ARID3C: variants seen among roughly 807,000 people sequenced by gnomAD.
ARID3C encodes AT-rich interactive domain-containing protein 3C.
ARID3C carries 42 observed loss-of-function variants against 37.9 expected under a neutral mutation model. The ratio of observed to expected loss-of-function variants is 1.11; its 90% CI spans 0.87 to 1.43. The LOEUF (loss-of-function observed/expected upper bound fraction) is 1.43, where lower values mean the gene tolerates loss of function less well. Among genes scored for constraint, ARID3C ranks in the 40% most tolerant of loss-of-function variants. The pLI, the probability that ARID3C is intolerant of heterozygous loss-of-function variation, is 0.00. For synonymous variants in ARID3C, 213 were observed against 228.0 expected, an observed-to-expected ratio of 0.93 and a Z score of 0.59; for missense variants, 581 against 548.8, an observed-to-expected ratio of 1.06 and a Z score of -0.59.
At chr9:34,622,493 G>A in exon 5 of ARID3C, 2 of 1,611,978 alleles carry the variant, frequency 1.2e-6, no homozygotes, top group Non-Finnish European at 1.7e-6. Context: ...CAGGCCCACA[G>A]GCAGTGCCAG....
At chr9:34,624,653 C>G (rs1347524567) in intron 2 of ARID3C, among the ~76,000 whole-genome samples, 1 of 152,236 alleles carries the variant, frequency 6.6e-6, no homozygotes, top group South Asian at 2.1e-4. Flanking sequence ...CCGCCCCCGC[C>G]GGCCAGTCCT....
chr9:34,625,464 C>T (rs1179392595), intron 2 of ARID3C, among the ~76,000 whole-genome samples: 2 of 152,194 alleles, frequency 1.3e-5, no homozygotes, highest in African/African-American at 2.4e-5. Flanking sequence ...CATTCTCAGC[C>T]CTCTGATTCT....
chr9:34,630,317 T>TTCTGC (rs1292221877), upstream of ARID3C, among the ~76,000 whole-genome samples: 1 of 152,062 alleles, frequency 6.6e-6, no homozygotes, highest in Non-Finnish European at 1.5e-5. Context: ...CTCTCAGAAT[T>TTCTGC]TCTGCTCTGA....
chr9:34,624,602 G>T (rs531627551), intron 2 of ARID3C, among the ~76,000 whole-genome samples: 2 of 152,174 alleles, frequency 1.3e-5, no homozygotes, highest in Non-Finnish European at 2.9e-5. Context: ...GGCGGGAAAA[G>T]AATCAACTCC....
intron 1 of ARID3C, 110 bp from the exon 3 acceptor site, chr9:34,625,924 G>T: frequency 1.6e-6 from 2 of 1,243,194 alleles, no homozygotes; most frequent in Non-Finnish European, 2.3e-6. Context: ...GAGTCAGTAG[G>T]ATCTCAATGT....
At chr9:34,624,733 C>T (rs1421374996) in intron 2 of ARID3C, among the ~76,000 whole-genome samples, 1 of 152,240 alleles carries the variant, frequency 6.6e-6, no homozygotes, top group African/African-American at 2.4e-5. Context: ...CCCCTTCCGC[C>T]GCGCCTTTGG....
rs547072029 is a variant in ARID3C at position 34,626,265 on chromosome 9, G to T, written c.319-451C>A. Among the ~76,000 whole-genome samples the T allele has an allele frequency of 2.6e-5, 4 of 152,266 alleles. No homozygotes were observed. In the South Asian group the frequency reaches 8.3e-4, roughly 32 times the overall value. On this transcript the variant is annotated intron_variant, in intron 1 of 6. Transcript: ENST00000378909. ...GGTGTTCACATCCCTGTATGCCAGGGCTGGGGGTGACTGAAGGGCAGAGAT... is the reference window on the plus strand; with the variant it reads ...GGTGTTCACATCCCTGTATGCCAGGTCTGGGGGTGACTGAAGGGCAGAGAT...
intron 1 of ARID3C, among the ~76,000 whole-genome samples, 171 bp from the exon 3 acceptor site, chr9:34,625,985 G>T (rs1820649817): frequency 6.6e-6 from 1 of 152,222 alleles, no homozygotes; most frequent in African/African-American, 2.4e-5. Context: ...GCAGGCAGGG[G>T]TGCCTTTTTC....
At chr9:34,632,213 A>C (rs762547788), upstream of ARID3C, among the ~76,000 whole-genome samples, 1 of 152,206 alleles carries the variant, frequency 6.6e-6, no homozygotes, top group African/African-American at 2.4e-5. Flanking sequence ...AGTGAGCAGG[A>C]ATTGAAGGAG....
Position 34,628,073 on chromosome 9 carries a change from G to A in ARID3C, c.-59C>T, listed in dbSNP as rs772659650. The A allele has an allele frequency of 5.6e-6, 8 of 1,440,834 alleles. No homozygotes were observed. The highest frequency in any genetic ancestry group is 1.5e-5 in the South Asian group (1 of 67,756). 89.3% of individuals were successfully genotyped at this position (1,440,834 alleles called of 1,614,324 possible). ...GGTCCCTGGTACCAGGCGGGACCCC[G>A]AGGAAAGGGCCGCCTGTGGGGGAGG... On this transcript the variant is annotated 5_prime_UTR_variant, in exon 1 of 7. Transcript: ENST00000378909. The surrounding 1 kb of genome is among the most constrained non-coding windows in gnomAD (Gnocchi z 5.2).
chr9:34,623,266 A>T (rs892571129), intron 4 of ARID3C, among the ~76,000 whole-genome samples, 159 bp downstream of exon 5: 2 of 151,818 alleles, frequency 1.3e-5, no homozygotes, highest in African/African-American at 4.8e-5. Flanking sequence ...GGACCCCTAA[A>T]CCTTAGTGAC....
Position 34,623,421 on chromosome 9 carries a change from G to T in ARID3C, c.865+4C>A. ...CCGAAACCTCTACCATTCTCCCCTC[G>T]CACCTTTCTTAATAGGGCTTGGACT... On this transcript the variant is annotated splice_donor_region_variant and intron_variant, in intron 4 of 6. Coordinates refer to ENST00000378909, the Ensembl canonical transcript of ARID3C. 3.4e-6 allele frequency: 5 copies of T among 1,490,774 alleles called. No individual in the cohort carries two copies. The highest frequency in any genetic ancestry group is 4.5e-6 in the Non-Finnish European group (5 of 1,121,398). The allele number at this position is 1,490,774 out of a possible 1,614,324, so 92.3% of individuals were successfully genotyped here. A position where few individuals can be genotyped will look rare whatever the true frequency, so the allele number is the denominator to read the frequency against.
downstream of ARID3C, among the ~76,000 whole-genome samples, chr9:34,621,072 G>T (rs1428594598): frequency 6.6e-6 from 1 of 152,166 alleles, no homozygotes; most frequent in African/African-American, 2.4e-5. Flanking sequence ...CAGCTTTATT[G>T]TCTAGATGTG....
exon 7 of ARID3C, chr9:34,621,410 T>TC: frequency 7.8e-7 from 1 of 1,288,584 alleles, no homozygotes; most frequent in East Asian, 2.8e-5. Context: ...GGGGGTCTCC[T>TC]CCCCCCTCAG....
chr9:34,624,165 G>A (rs978027104), intron 2 of ARID3C, 118 bp from the exon 4 acceptor site: 5 of 1,222,778 alleles, frequency 4.1e-6, no homozygotes, highest in East Asian at 2.7e-5. Context: ...GACTTGGGCG[G>A]AGCCCACAGA....
intron 3 of ARID3C, 58 bp downstream of exon 4, chr9:34,623,806 C>A (rs937144327): frequency 2.7e-6 from 4 of 1,509,420 alleles, no homozygotes; most frequent in South Asian, 1.2e-5. Flanking sequence ...ACCCTCCCCC[C>A]TCCCGCCCCA....
upstream of ARID3C, among the ~76,000 whole-genome samples, chr9:34,631,935 CT>C (rs1820726274): frequency 6.6e-6 from 1 of 152,208 alleles, no homozygotes; most frequent in Admixed American, 6.5e-5. Flanking sequence ...CATAGGATTG[CT>C]TGTATGTCCT....
upstream of ARID3C, among the ~76,000 whole-genome samples, chr9:34,632,586 G>T (rs2132318568): frequency 6.6e-6 from 1 of 152,306 alleles, no homozygotes; most frequent in East Asian, 1.9e-4. Context: ...AGAGATGATG[G>T]TGTCTTAGAC....
intron 2 of ARID3C, among the ~76,000 whole-genome samples, chr9:34,624,427 A>T (rs2132312139): frequency 6.6e-6 from 1 of 152,366 alleles, no homozygotes; most frequent in East Asian, 1.9e-4. Context: ...AACTATTTAA[A>T]CAAGTAAAAA....
Sources: gnomAD v4.1 joint callset for allele counts (sites outside exome capture counted in the v4.1 genomes callset) on GRCh38, gnomAD v4.1.1 for gene constraint, Gnocchi (gnomAD v3.1) non-coding constraint, MANE v1.5 for transcripts, NCBI Gene and HGNC (gene_info 2026-07-23, HGNC 2026-07-21) for gene names.